Variants in CNTN5 observed in about 807,000 individuals in gnomAD.
CNTN5 encodes the protein contactin 5.
CNTN5 carries 77 observed loss-of-function variants against 129.1 expected under a neutral mutation model. That is an observed-to-expected ratio of 0.60 (90% CI 0.50 to 0.72). The LOEUF (loss-of-function observed/expected upper bound fraction) is 0.72, where lower values mean the gene tolerates loss of function less well. Among genes scored for constraint, CNTN5 ranks in the 30% least tolerant of loss-of-function variants. CNTN5 has a pLI of 0.00. For missense variants in CNTN5, 1,478 were observed against 1,328.8 expected (o/e 1.11, Z -1.75); for synonymous variants, 509 against 465.6 (o/e 1.09, Z -1.20).
intron 3 of CNTN5, among the ~76,000 whole-genome samples, chr11:99,600,889 A>G (rs755231721): frequency 9.2e-5 from 14 of 152,206 alleles, no homozygotes; most frequent in Non-Finnish European, 1.8e-4. Flanking sequence ...GATCATTGTT[A>G]ATTTCTAAGC....
intron 1 of CNTN5, among the ~76,000 whole-genome samples, chr11:99,031,204 A>AT (rs1262833398): frequency 7.2e-5 from 11 of 151,858 alleles, no homozygotes; most frequent in East Asian, 1.9e-4. Context: ...ACATTTTACA[A>AT]TTTTTTTTCC....
At chr11:99,031,477 G>A (rs142549392) in intron 1 of CNTN5, among the ~76,000 whole-genome samples, 2 of 151,934 alleles carry the variant, frequency 1.3e-5, no homozygotes, top group South Asian at 4.2e-4. Context: ...TTTCAAAAAG[G>A]TATGAGAAAA....
chr11:99,360,684 A>T (rs956510286), intron 2 of CNTN5, among the ~76,000 whole-genome samples: 4 of 152,072 alleles, frequency 2.6e-5, no homozygotes, highest in African/African-American at 9.7e-5. Context: ...TGCTCTCCAA[A>T]ATGCTATTGT....
intron 13 of CNTN5, among the ~76,000 whole-genome samples, chr11:100,151,747 G>T (rs1591321094): frequency 6.6e-6 from 1 of 152,202 alleles, no homozygotes; most frequent in East Asian, 1.9e-4. Context: ...AAAGCTACAT[G>T]AGTATTTTTT....
intron 1 of CNTN5, among the ~76,000 whole-genome samples, chr11:99,186,262 A>G (rs1404392566): frequency 6.6e-6 from 1 of 151,952 alleles, no homozygotes; most frequent in Non-Finnish European, 1.5e-5. Context: ...TAAAAACACA[A>G]TAGAGAGAAA....
intron 1 of CNTN5, among the ~76,000 whole-genome samples, chr11:99,316,219 G>A (rs1865336323): frequency 6.6e-6 from 1 of 152,122 alleles, no homozygotes; most frequent in Admixed American, 6.5e-5. Flanking sequence ...CAAGATGAAA[G>A]CTGACAACTA....
In CNTN5 at chr11:99,478,273, T is replaced by C. The variant is rs192363272; in HGVS notation, c.-70-77872T>C. Among the ~76,000 whole-genome samples, 39 of 152,220 alleles carry C rather than the reference T, an allele frequency of 2.6e-4. 1 individual carries two copies. The South Asian group carries it at 7.1e-3, about 28-fold the overall frequency. On this transcript the variant is annotated intron_variant, in intron 2 of 24. Coordinates refer to ENST00000524871, the MANE Select transcript of CNTN5 (RefSeq NM_014361.4). ...GTTGGAAAGGGCTCACTTTCAAGCT[T>C]ACTTCCATGGCTGTTGGGAGGATTC...
intron 3 of CNTN5, among the ~76,000 whole-genome samples, chr11:99,629,040 A>G (rs926994809): frequency 6.6e-5 from 10 of 152,034 alleles, no homozygotes; most frequent in African/African-American, 2.4e-4. Flanking sequence ...AAAATTATTA[A>G]CTGCTCCTGA....
At chr11:99,821,012 T>C (rs1047024425) in intron 4 of CNTN5, among the ~76,000 whole-genome samples, 1 of 152,240 alleles carries the variant, frequency 6.6e-6, no homozygotes, top group African/African-American at 2.4e-5. Flanking sequence ...GTAAGCATGA[T>C]GTTAGAACTC....
intron 9 of CNTN5, among the ~76,000 whole-genome samples, chr11:100,011,994 G>A (rs1034311665): frequency 3.3e-5 from 5 of 152,242 alleles, no homozygotes; most frequent in South Asian, 4.1e-4. Context: ...GGAGCTGCCA[G>A]TCACTAAGGG....
rs1947634537 is a variant in CNTN5, at chr11:99,530,003, A to G, written c.-70-26142A>G. Among the ~76,000 whole-genome samples the G allele has an allele frequency of 2.0e-5, 3 of 152,184 alleles. 1 individual carries two copies. In the South Asian group the frequency reaches 6.2e-4, roughly 32 times the overall value. On this transcript the variant is annotated intron_variant, in intron 2 of 24. Transcript: ENST00000524871. ...TTTTAAAGTGATTAGAGGGACATAA[A>G]ACATTTAAGGAAAGCATTATTTTAT...
At chr11:99,573,824 C>A (rs529225367) in intron 3 of CNTN5, among the ~76,000 whole-genome samples, 2 of 152,042 alleles carry the variant, frequency 1.3e-5, no homozygotes, top group Middle Eastern at 6.8e-3. Flanking sequence ...ATATGTAATT[C>A]TTTGAAACTT....
chr11:99,841,581 AAG>A (rs1386041152), intron 4 of CNTN5, among the ~76,000 whole-genome samples: 1 of 151,484 alleles, frequency 6.6e-6, no homozygotes, highest in Non-Finnish European at 1.5e-5. Context: ...GAGTGAGAAA[AAG>A]GGGAGGAGGA....
intron 2 of CNTN5, among the ~76,000 whole-genome samples, chr11:99,381,095 T>C (rs1461091762): frequency 2.0e-5 from 3 of 152,100 alleles, no homozygotes; most frequent in Non-Finnish European, 4.4e-5. Context: ...AGTTTACAAC[T>C]GCTTGTCCAA....
chr11:100,230,636 T>C (rs1288170842), intron 16 of CNTN5, among the ~76,000 whole-genome samples: 3 of 152,182 alleles, frequency 2.0e-5, no homozygotes, highest in Non-Finnish European at 4.4e-5. Flanking sequence ...AACAGATGAA[T>C]TGTCATTGCA....
intron 8 of CNTN5, among the ~76,000 whole-genome samples, chr11:99,979,638 T>G (rs1274799895): frequency 6.6e-6 from 1 of 152,172 alleles, no homozygotes; most frequent in African/African-American, 2.4e-5. Context: ...CCAAAATAAC[T>G]ATGTTAGTGG....
chr11:99,069,451 A>G (rs965838800), intron 1 of CNTN5, among the ~76,000 whole-genome samples: 8 of 152,158 alleles, frequency 5.3e-5, no homozygotes, highest in Admixed American at 3.9e-4. Flanking sequence ...GAGAGGTCAG[A>G]TTGCTGGATG....
At chr11:99,258,066 G>T (rs867368917) in intron 1 of CNTN5, among the ~76,000 whole-genome samples, 3 of 151,964 alleles carry the variant, frequency 2.0e-5, no homozygotes, top group Non-Finnish European at 2.9e-5. Flanking sequence ...TGAAATTCTC[G>T]CGGAGTTTTG....
chr11:99,999,163 A>G (rs1939676401), intron 8 of CNTN5, among the ~76,000 whole-genome samples: 1 of 152,076 alleles, frequency 6.6e-6, no homozygotes, highest in Admixed American at 6.6e-5. Flanking sequence ...AATGGGATCT[A>G]ATTAAACTAA....
Sources: gnomAD v4.1 joint callset for allele counts (sites outside exome capture counted in the v4.1 genomes callset) on GRCh38, gnomAD v4.1.1 for gene constraint, MANE v1.5 for transcripts, NCBI Gene and HGNC (gene_info 2026-07-23, HGNC 2026-07-21) for gene names.